Variants in FER observed in about 807,000 individuals in gnomAD.
The protein encoded by FER is tyrosine-protein kinase Fer.
Under a neutral mutation model 111.0 loss-of-function variants are expected in FER, and 63 were observed. The ratio of observed to expected loss-of-function variants is 0.57; its 90% CI spans 0.46 to 0.70. The LOEUF (loss-of-function observed/expected upper bound fraction) is 0.70. Among genes scored for constraint, FER ranks in the 30% least tolerant of loss-of-function variants. FER has a pLI of 0.00. For synonymous variants in FER, 327 were observed against 313.9 expected, an observed-to-expected ratio of 1.04 and a Z score of -0.44; for missense variants, 914 against 954.0, an observed-to-expected ratio of 0.96 and a Z score of 0.55.
At chr5:108,947,982 T>C (rs145061952) in intron 11 of FER, among the ~76,000 whole-genome samples, 3 of 152,118 alleles carry the variant, frequency 2.0e-5, no homozygotes, top group East Asian at 3.9e-4. Context: ...TCGGCCCCGC[T>C]AAGAGTTCAA....
At chr5:108,783,882 A>T (rs934793131) in intron 2 of FER, among the ~76,000 whole-genome samples, 2 of 152,114 alleles carry the variant, frequency 1.3e-5, no homozygotes, top group African/African-American at 4.8e-5. Flanking sequence ...AGTCTTGGAC[A>T]TGTGGAGAAC....
At chr5:109,008,708 C>T (rs1466453651) in intron 13 of FER, among the ~76,000 whole-genome samples, 1 of 152,162 alleles carries the variant, frequency 6.6e-6, no homozygotes, top group Non-Finnish European at 1.5e-5. Context: ...AGGCCGGGCA[C>T]AGTGGCTCAC....
intron 17 of FER, among the ~76,000 whole-genome samples, chr5:109,164,700 A>C (rs1284278747): frequency 6.6e-6 from 1 of 152,046 alleles, no homozygotes; most frequent in African/African-American, 2.4e-5. Flanking sequence ...CTTTTCCTCA[A>C]ATTTCATTTC....
chr5:108,765,800 G>A (rs558115580), intron 1 of FER, among the ~76,000 whole-genome samples: 1 of 152,146 alleles, frequency 6.6e-6, no homozygotes, highest in East Asian at 1.9e-4. Flanking sequence ...TCTTTGGAGT[G>A]GAATTGGATA....
At chr5:109,161,148 C>G (rs1440518880) in intron 17 of FER, among the ~76,000 whole-genome samples, 1 of 152,188 alleles carries the variant, frequency 6.6e-6, no homozygotes, top group Non-Finnish European at 1.5e-5. Flanking sequence ...ATTCCTCTTA[C>G]AGCTTCGTTG....
At chr5:108,949,721 T>A (rs1171515670) in intron 11 of FER, among the ~76,000 whole-genome samples, 1 of 152,130 alleles carries the variant, frequency 6.6e-6, no homozygotes, top group Non-Finnish European at 1.5e-5. Context: ...ATTGCAATGA[T>A]CTGGTAGTAG....
At chr5:109,041,689 T>G (rs930078705) in intron 14 of FER, among the ~76,000 whole-genome samples, 1 of 152,176 alleles carries the variant, frequency 6.6e-6, no homozygotes, top group Non-Finnish European at 1.5e-5. Flanking sequence ...ATTAGGACAC[T>G]GGGTAGACTG....
At chr5:109,096,429 A>C (rs1428038424) in intron 16 of FER, among the ~76,000 whole-genome samples, 1 of 151,966 alleles carries the variant, frequency 6.6e-6, no homozygotes, top group African/African-American at 2.4e-5. Flanking sequence ...GGCAAGTCAC[A>C]CTACAGGCAG....
At chr5:109,055,296 A>T (rs964893918) in intron 16 of FER, among the ~76,000 whole-genome samples, 1 of 152,278 alleles carries the variant, frequency 6.6e-6, no homozygotes, top group African/African-American at 2.4e-5. Flanking sequence ...AGGCCACAAA[A>T]ACAAAAATAA....
chr5:108,865,831 A>G (rs1463876494), intron 5 of FER, among the ~76,000 whole-genome samples: 1 of 152,232 alleles, frequency 6.6e-6, no homozygotes, highest in African/African-American at 2.4e-5. Context: ...AGACACATGA[A>G]AAAATGCTCA....
Position 109,191,702 on chromosome 5 carries a change from A to C in FER, c.*4127A>C, listed in dbSNP as rs547289624. 6.6e-6 allele frequency: 1 copy of C among 152,138 alleles called. No homozygotes were observed. Among genetic ancestry groups the C allele is most frequent in the Non-Finnish European group, 1.5e-5 (1 of 68,018 alleles). The allele number at this position is 152,138 out of a possible 1,614,324, so 9.4% of individuals were successfully genotyped here. On this transcript the variant is annotated 3_prime_UTR_variant, in exon 20 of 20. Transcript: ENST00000281092. ...AATAGCGTTACTTCTTTTATGACTA[A>C]CTCTGATTTGCTTATACATATCAGA...
chr5:109,021,012 C>G (rs1407537427), intron 13 of FER, among the ~76,000 whole-genome samples: 1 of 151,896 alleles, frequency 6.6e-6, no homozygotes, highest in Admixed American at 6.6e-5. Context: ...CTTTATTCTC[C>G]TTTAAATTCA....
rs76309542 is a variant in FER at position 109,113,637 on chromosome 5, T to C, written c.2048+13118T>C. Among the ~76,000 whole-genome samples the C allele has an allele frequency of 2.0e-5, 3 of 152,298 alleles. No individual in the cohort carries two copies. The East Asian group carries it at 5.8e-4, about 29-fold the overall frequency. The stretch of plus-strand genomic sequence containing the variant: ...ATACACAGCGCAAGCCGGGAACCTC[T>C]TGAAGGGTGGAACTATATTCATGTT... On this transcript the variant is annotated intron_variant, in intron 17 of 19. Transcript: ENST00000281092.
At chr5:108,946,278 T>C in intron 11 of FER, 56 bp downstream of exon 11, 2 of 1,125,598 alleles carry the variant, frequency 1.8e-6, no homozygotes, top group Non-Finnish European at 2.7e-6. Context: ...AGCTTCTTTC[T>C]GATGCACTAA....
At chr5:108,844,093 C>CATATATATGTGTGTGAACAT (rs35948091) in intron 5 of FER, among the ~76,000 whole-genome samples, 1 of 96,896 alleles carries the variant, frequency 1.0e-5, no homozygotes, top group African/African-American at 4.1e-5. Context: ...TGCGTGTGAA[C>CATATATATGTGTGTGAACAT]ATATGTGTGT....
At chr5:108,959,407 T>C in intron 13 of FER, 60 bp downstream of exon 13, 1 of 1,497,398 alleles carries the variant, frequency 6.7e-7, no homozygotes, top group Non-Finnish European at 8.9e-7. Flanking sequence ...TGAGTTAACA[T>C]TTCCAACAGT....
intron 16 of FER, among the ~76,000 whole-genome samples, chr5:109,055,958 C>A (rs1241094409): frequency 6.6e-6 from 1 of 151,582 alleles, no homozygotes; most frequent in Non-Finnish European, 1.5e-5. Flanking sequence ...ATAAAAATGG[C>A]CGACAGATAT....
intron 16 of FER, chr5:109,051,500 C>T (rs1315971162): frequency 2.5e-6 from 4 of 1,609,844 alleles, no homozygotes; most frequent in Non-Finnish European, 3.4e-6. Context: ...CCCGCCTGCC[C>T]CATTCGATTT....
In FER at chr5:109,021,784, C is replaced by T. The variant is rs73780403; in HGVS notation, c.1657-15638C>T. On this transcript the variant is annotated intron_variant, in intron 13 of 19. Transcript: ENST00000281092. The stretch of plus-strand genomic sequence containing the variant: ...TTTGATAGATATTTATGAAACATGA[C>T]GTTGTGAAATGTGTGCATTTTGTTC... Among the ~76,000 whole-genome samples the T allele has an allele frequency of 3.9e-3, 588 of 152,008 alleles. 4 individuals are homozygous for T. The highest frequency in any genetic ancestry group is 0.013 in the African/African-American group (557 of 41,482).
Sources: allele counts gnomAD v4.1 joint callset (sites outside exome capture counted in the v4.1 genomes callset), GRCh38; gene constraint gnomAD v4.1.1; transcripts MANE v1.5; gene names NCBI Gene and HGNC (gene_info 2026-07-23, HGNC 2026-07-21).